Variants in PRKAR2B observed in about 807,000 individuals in gnomAD.
The protein encoded by PRKAR2B is protein kinase cAMP-dependent type II regulatory subunit beta.
In PRKAR2B, 14 loss-of-function variants were observed where a neutral mutation model predicts 49.9. The ratio of observed to expected loss-of-function variants is 0.28; its 90% CI spans 0.19 to 0.44. The LOEUF (loss-of-function observed/expected upper bound fraction) is 0.44. Among genes scored for constraint, PRKAR2B ranks in the 20% least tolerant of loss-of-function variants. PRKAR2B has a pLI of 1.00. For missense variants in PRKAR2B, 393 were observed against 537.9 expected (o/e 0.73, Z 2.67); for synonymous variants, 196 against 197.7 (o/e 0.99, Z 0.07).
chr7:107,081,580 G>A (rs1399318035), intron 2 of PRKAR2B, among the ~76,000 whole-genome samples: 4 of 152,030 alleles, frequency 2.6e-5, no homozygotes, highest in African/African-American at 9.7e-5. Context: ...ACCTATTCAG[G>A]TCTTGTCTTC....
intron 4 of PRKAR2B, among the ~76,000 whole-genome samples, chr7:107,132,083 G>A (rs560503756): frequency 2.6e-5 from 4 of 152,214 alleles, no homozygotes; most frequent in Non-Finnish European, 5.9e-5. Flanking sequence ...TCAGGGCATG[G>A]TGAGAAGATG....
At chr7:107,095,277 G>A (rs1356121659) in intron 2 of PRKAR2B, among the ~76,000 whole-genome samples, 2 of 152,152 alleles carry the variant, frequency 1.3e-5, no homozygotes, top group Admixed American at 6.5e-5. Context: ...AATTGTGAAT[G>A]GGAGTTCACT....
At position 107,083,379 on chromosome 7, in the gene PRKAR2B, T is replaced by C. The variant is rs945116785; in HGVS notation, c.343+13063T>C. On this transcript the variant is annotated intron_variant, in intron 2 of 10. Coordinates refer to ENST00000265717, the MANE Select transcript of PRKAR2B (RefSeq NM_002736.3). Reference sequence around the variant, plus strand: ...TAGTCTAATTTGCAAAAATAGATGATGGTGATGATGACAACAATACTAATT... The same window carrying C: ...TAGTCTAATTTGCAAAAATAGATGACGGTGATGATGACAACAATACTAATT... Among the ~76,000 whole-genome samples the C allele has an allele frequency of 3.3e-5, 5 of 151,874 alleles. No homozygotes were observed. The South Asian group carries it at 6.2e-4, about 19-fold the overall frequency.
chr7:107,050,536 C>T (rs1793781537), intron 1 of PRKAR2B, among the ~76,000 whole-genome samples: 1 of 151,926 alleles, frequency 6.6e-6, no homozygotes, highest in Admixed American at 6.6e-5. Flanking sequence ...TGTGCAAATA[C>T]AAACAGGGGA....
chr7:107,111,594 C>A (rs1041417905), intron 2 of PRKAR2B, among the ~76,000 whole-genome samples: 2 of 152,088 alleles, frequency 1.3e-5, no homozygotes, highest in Non-Finnish European at 2.9e-5. Flanking sequence ...GCCTGGTAAT[C>A]CAGATAGTTC....
chr7:107,121,885 C>T (rs150136787), intron 2 of PRKAR2B, 67 bp from the exon 3 acceptor site: 128 of 950,288 alleles, frequency 1.3e-4, no homozygotes, highest in African/African-American at 1.3e-3. Flanking sequence ...TAAGTGTTAA[C>T]GATGTACTCA....
At chr7:107,147,216 C>G (rs1201279684) in intron 6 of PRKAR2B, among the ~76,000 whole-genome samples, 2 of 152,126 alleles carry the variant, frequency 1.3e-5, no homozygotes, top group African/African-American at 4.8e-5. Context: ...GAGGCTGAGG[C>G]AGGAGAATGG....
rs761058103 is a variant in PRKAR2B at position 107,045,189 on chromosome 7, G to A, written c.282G>A (p.Ala94=). The A allele has an allele frequency of 6.8e-7, 1 of 1,463,364 alleles. No homozygotes were observed. 90.6% of individuals were successfully genotyped at this position (1,463,364 alleles called of 1,614,324 possible). Residue 94 remains alanine (A), a synonymous_variant, in exon 1 of 11, where the codon GCG becomes GCA. Coordinates refer to ENST00000265717, the MANE Select transcript of PRKAR2B (RefSeq NM_002736.3). Reference sequence around the variant, plus strand: ...AGGACGGGGAGGAGGAGGAGGCGGCGCCCGCGGACGCAGGGGCGTTCAATG... The same window carrying A: ...AGGACGGGGAGGAGGAGGAGGCGGCACCCGCGGACGCAGGGGCGTTCAATG... The part of the protein sequence containing the change: ...DSEDGEEEEA[A]PADAGAFNAP...
At chr7:107,062,846 A>G (rs1204648997) in intron 1 of PRKAR2B, among the ~76,000 whole-genome samples, 2 of 152,108 alleles carry the variant, frequency 1.3e-5, no homozygotes, top group Admixed American at 6.5e-5. Context: ...TTACATTTTC[A>G]TAATTGTGGG....
intron 1 of PRKAR2B, among the ~76,000 whole-genome samples, chr7:107,051,955 T>G (rs1793813838): frequency 6.6e-6 from 1 of 152,146 alleles, no homozygotes; most frequent in Non-Finnish European, 1.5e-5. Context: ...GGGAGTGATG[T>G]TGAGGGGAAT....
chr7:107,111,840 T>C (rs371123280), intron 2 of PRKAR2B, among the ~76,000 whole-genome samples: 9 of 151,650 alleles, frequency 5.9e-5, no homozygotes, highest in East Asian at 5.8e-4. Flanking sequence ...AATTTAGAAT[T>C]TCACCAGTAG....
intron 2 of PRKAR2B, among the ~76,000 whole-genome samples, chr7:107,106,426 A>G (rs1247363435): frequency 2.0e-5 from 3 of 152,204 alleles, no homozygotes; most frequent in Non-Finnish European, 4.4e-5. Flanking sequence ...CAGATGGACA[A>G]TAATATTTGC....
At chr7:107,118,359 G>T (rs564691771) in intron 2 of PRKAR2B, among the ~76,000 whole-genome samples, 6 of 151,766 alleles carry the variant, frequency 4.0e-5, no homozygotes, top group Non-Finnish European at 8.8e-5. Context: ...GTTTGAGTGT[G>T]TATAATACAA....
At position 107,121,942 on chromosome 7, in the gene PRKAR2B, G is replaced by A; in HGVS notation, c.344-10G>A. On this transcript the variant is annotated splice_polypyrimidine_tract_variant and intron_variant, in intron 2 of 10. Transcript: ENST00000265717. Reference sequence around the variant, plus strand: ...AACAATCTTTAAGATGTTCATTTTTGTTTTTATAGTATGTGCAGAAGCTTA... The same window carrying A: ...AACAATCTTTAAGATGTTCATTTTTATTTTTATAGTATGTGCAGAAGCTTA... 1 of 1,558,686 alleles carries A rather than the reference G, an allele frequency of 6.4e-7. No homozygotes were observed.
At chr7:107,151,759 G>A (rs1191548152) in intron 7 of PRKAR2B, among the ~76,000 whole-genome samples, 1 of 152,140 alleles carries the variant, frequency 6.6e-6, no homozygotes, top group African/African-American at 2.4e-5. Flanking sequence ...CTGGCTGGGC[G>A]TTGTGGCTCT....
chr7:107,113,511 C>G (rs966743008), intron 2 of PRKAR2B, among the ~76,000 whole-genome samples: 14 of 152,228 alleles, frequency 9.2e-5, no homozygotes, highest in African/African-American at 3.4e-4. Context: ...CAGTTCTGTC[C>G]TCTAGTACAA....
At chr7:107,147,375 C>T (rs552603316) in intron 6 of PRKAR2B, among the ~76,000 whole-genome samples, 13 of 152,296 alleles carry the variant, frequency 8.5e-5, no homozygotes, top group Non-Finnish European at 1.9e-4. Context: ...AGCACTGGGA[C>T]CTGAGCATTA....
chr7:107,138,657 C>G (rs1393683408), intron 4 of PRKAR2B, among the ~76,000 whole-genome samples: 1 of 151,518 alleles, frequency 6.6e-6, no homozygotes, highest in Non-Finnish European at 1.5e-5. Flanking sequence ...AAGCAATCCT[C>G]CAATCTCAGC....
intron 5 of PRKAR2B, among the ~76,000 whole-genome samples, chr7:107,144,786 CTTTTTT>C (rs11414978): frequency 1.2e-5 from 1 of 81,918 alleles, no homozygotes. Context: ...TTAAAAGCCA[CTTTTTT>C]TTTTTTTTTT....
Sources: allele counts gnomAD v4.1 joint callset (sites outside exome capture counted in the v4.1 genomes callset), GRCh38; gene constraint gnomAD v4.1.1; transcripts MANE v1.5; gene names NCBI Gene and HGNC (gene_info 2026-07-23, HGNC 2026-07-21).